The following ADAM7 variants were observed in gnomAD, a reference collection of about 807,000 sequenced individuals.
The protein encoded by ADAM7 is disintegrin and metalloproteinase domain-containing protein 7.
A neutral mutation model predicts 102.9 loss-of-function variants in ADAM7; 97 were observed. The observed-to-expected ratio is 0.94, with a 90% confidence interval of 0.80 to 1.12. The LOEUF (loss-of-function observed/expected upper bound fraction) is 1.12, where lower values mean the gene tolerates loss of function less well. Ranked by LOEUF, ADAM7 falls within the 50% of genes most tolerant of loss-of-function variation. The pLI, the probability that ADAM7 is intolerant of heterozygous loss-of-function variation, is 0.00. For synonymous variants in ADAM7, 334 were observed against 304.4 expected, an observed-to-expected ratio of 1.10 and a Z score of -1.01; for missense variants, 991 against 908.7, an observed-to-expected ratio of 1.09 and a Z score of -1.16.
chr8:24,445,909 T>C (rs1818540856), intron 2 of ADAM7, among the ~76,000 whole-genome samples: 1 of 152,218 alleles, frequency 6.6e-6, no homozygotes, highest in African/African-American at 2.4e-5. Flanking sequence ...TCCCTGCCCC[T>C]GACTTCTCCT....
Position 24,497,482 on chromosome 8 carries a change from T to C in ADAM7, c.1843-1754T>C, listed in dbSNP as rs1018073765. On this transcript the variant is annotated intron_variant, in intron 16 of 21. Coordinates refer to ENST00000175238, the MANE Select transcript of ADAM7 (RefSeq NM_003817.4). ...GTAATGTGGCCAGTAAACCACTGAA[T>C]TGGATATTACAAAAAAAATCAGTAA... 1.2e-4 allele frequency among the ~76,000 whole-genome samples: 19 copies of C among 152,226 alleles called. 3 individuals carry two copies. Among genetic ancestry groups the C allele is most frequent in the Admixed American group, 1.0e-3 (16 of 15,296 alleles).
intron 7 of ADAM7, among the ~76,000 whole-genome samples, chr8:24,474,048 A>G (rs146927460): frequency 9.2e-5 from 14 of 152,274 alleles, no homozygotes; most frequent in African/African-American, 2.9e-4. Context: ...GTTTTCCTCC[A>G]AAATTGGGAA....
chr8:24,507,151 G>C (rs143552663), intron 20 of ADAM7, among the ~76,000 whole-genome samples: 1 of 151,956 alleles, frequency 6.6e-6, no homozygotes, highest in Non-Finnish European at 1.5e-5. Flanking sequence ...AGATGTTATC[G>C]GAATGAAAGT....
At chr8:24,466,019 G>C (rs1210667090) in intron 5 of ADAM7, among the ~76,000 whole-genome samples, 1 of 152,212 alleles carries the variant, frequency 6.6e-6, no homozygotes, top group Non-Finnish European at 1.5e-5. Flanking sequence ...ATATTTGGAA[G>C]ATTACTGAAA....
intron 20 of ADAM7, among the ~76,000 whole-genome samples, chr8:24,502,551 G>A (rs903597911): frequency 6.6e-6 from 1 of 151,712 alleles, no homozygotes; most frequent in Non-Finnish European, 1.5e-5. Context: ...GAATCAGAAA[G>A]GCAACATCAA....
At chr8:24,505,648 C>T (rs1441349179) in intron 20 of ADAM7, among the ~76,000 whole-genome samples, 2 of 152,114 alleles carry the variant, frequency 1.3e-5, no homozygotes, top group African/African-American at 4.8e-5. Context: ...TGTTTTTTCT[C>T]TCCCTGCTCT....
At chr8:24,501,007 A>G in intron 19 of ADAM7, 112 bp downstream of exon 19, 1 of 849,272 alleles carries the variant, frequency 1.2e-6, no homozygotes, top group Non-Finnish European at 1.8e-6. Flanking sequence ...CTTACTGAAG[A>G]TCAGGTAAGA....
At position 24,480,901 on chromosome 8, in the gene ADAM7, T is replaced by G. The variant is rs530138860; in HGVS notation, c.706-1241T>G. Among the ~76,000 whole-genome samples, 16 of 151,744 alleles carry G rather than the reference T, an allele frequency of 1.1e-4. No homozygotes were observed. In the South Asian group the frequency reaches 2.7e-3, roughly 26 times the overall value. ...CAACAACAACAACAACAAAAAGAAA[T>G]AAATAAATAAAATAGCAAGGCACAG... On this transcript the variant is annotated intron_variant, in intron 8 of 21. Coordinates refer to ENST00000175238, the MANE Select transcript of ADAM7 (RefSeq NM_003817.4).
At chr8:24,451,133 A>T (rs962773259) in intron 3 of ADAM7, among the ~76,000 whole-genome samples, 39 of 151,100 alleles carry the variant, frequency 2.6e-4, no homozygotes, top group African/African-American at 7.1e-4. Context: ...TGTCTCTGCC[A>T]GGCTTTGGTA....
intron 3 of ADAM7, among the ~76,000 whole-genome samples, chr8:24,452,861 C>G (rs1818854250): frequency 6.6e-6 from 1 of 150,924 alleles, no homozygotes; most frequent in Non-Finnish European, 1.5e-5. Flanking sequence ...GACAAAATCT[C>G]TCAGCATTTG....
intron 8 of ADAM7, among the ~76,000 whole-genome samples, chr8:24,479,625 T>G (rs994360332): frequency 6.6e-6 from 1 of 152,078 alleles, no homozygotes; most frequent in Non-Finnish European, 1.5e-5. Flanking sequence ...CCCATGGAGA[T>G]CAATCTGTGT....
rs868821595 is a variant in ADAM7, at chr8:24,466,945, C to G, written c.536C>G (p.Thr179Ser). The G allele has an allele frequency of 6.2e-7, 1 of 1,614,028 alleles. No homozygotes were observed. The change falls in exon 6 of 22, where the codon ACT becomes AGT. Residue 179 changes from threonine to serine, a missense_variant. Transcript: ENST00000175238. Reference protein sequence around the residue: ...SCTELNFTRKTVPGDNESEED... With the variant: ...SCTELNFTRKSVPGDNESEED... ...ACAGAGCTTAATTTTACCAGAAAAA[C>G]TGTTCCAGGGGATAATGAATCTGAA...
At chr8:24,449,627 T>C (rs1422251705) in intron 3 of ADAM7, among the ~76,000 whole-genome samples, 1 of 152,216 alleles carries the variant, frequency 6.6e-6, no homozygotes, top group Admixed American at 6.5e-5. Flanking sequence ...GTAGTTTCTT[T>C]TGCTGTGCAG....
chr8:24,455,553 C>A (rs980730502), intron 3 of ADAM7, among the ~76,000 whole-genome samples: 2 of 152,154 alleles, frequency 1.3e-5, no homozygotes, highest in Non-Finnish European at 1.5e-5. Context: ...GAACTACAGG[C>A]ACATGCCACC....
chr8:24,485,765 C>T (rs1327021329), intron 10 of ADAM7, among the ~76,000 whole-genome samples: 1 of 152,202 alleles, frequency 6.6e-6, no homozygotes, highest in Non-Finnish European at 1.5e-5. Context: ...TCAAGACAAC[C>T]TTTCAATTCA....
chr8:24,507,652 G>C (rs1442545813), intron 21 of ADAM7, 117 bp downstream of exon 21: 23 of 774,388 alleles, frequency 3.0e-5, no homozygotes, highest in Non-Finnish European at 1.9e-5. Context: ...TATCACAACA[G>C]ATTAGGAAGG....
intron 3 of ADAM7, among the ~76,000 whole-genome samples, chr8:24,450,750 A>T (rs948622612): frequency 4.6e-5 from 7 of 151,806 alleles, no homozygotes; most frequent in African/African-American, 1.5e-4. Flanking sequence ...GAATGCTTCC[A>T]GTTTTTGCCC....
rs547811959 is a variant in ADAM7 at position 24,451,078 on chromosome 8, C to G, written c.233+3816C>G. Among the ~76,000 whole-genome samples the G allele has an allele frequency of 5.3e-5, 8 of 152,006 alleles. No individual in the cohort carries two copies. In the East Asian group the frequency reaches 1.4e-3, roughly 26 times the overall value. ...AGCATTTTATTGAGGATTTTTGCAT[C>G]AATGTTCATCAAGGATATTGGTCTA... is the stretch of plus-strand genomic sequence containing the variant. On this transcript the variant is annotated intron_variant, in intron 3 of 21. Transcript: ENST00000175238.
rs1398435740 is a variant in ADAM7, at chr8:24,487,195, A to T, written c.969A>T (p.Leu323Phe). 2 of 1,613,516 alleles carry T rather than the reference A, an allele frequency of 1.2e-6. No homozygotes were observed. The highest frequency in any genetic ancestry group is 1.7e-6 in the Non-Finnish European group (2 of 1,179,658). ...AATTGTTTTATCATCAGGATCTTTT[A>T]CCTGACACAAACATAATTGCAAACA... ...YYSTSIIKDL[L>F]PDTNIIANRM... The change falls in exon 11 of 22, where the codon TTA (leucine) becomes TTT (phenylalanine). Residue 323 changes from leucine to phenylalanine, a missense_variant. By Grantham distance (22) the Leu-to-Phe change is conservative. Coordinates refer to ENST00000175238, the MANE Select transcript of ADAM7 (RefSeq NM_003817.4).
Sources: gnomAD v4.1 joint callset for allele counts (sites outside exome capture counted in the v4.1 genomes callset) on GRCh38, gnomAD v4.1.1 for gene constraint, MANE v1.5 for transcripts, NCBI Gene and HGNC (gene_info 2026-07-23, HGNC 2026-07-21) for gene names.